Variants in HGF observed in about 807,000 individuals in gnomAD.
HGF encodes the protein fibroblast-derived tumor cytotoxic factor.
HGF carries 39 observed loss-of-function variants against 111.6 expected under a neutral mutation model. The ratio of observed to expected loss-of-function variants is 0.35; its 90% CI spans 0.27 to 0.46. The LOEUF (loss-of-function observed/expected upper bound fraction) is 0.46. Ranked by LOEUF, HGF falls within the 20% of genes least tolerant of loss-of-function variation. HGF has a pLI of 1.00. For synonymous variants in HGF, 285 were observed against 294.8 expected, an observed-to-expected ratio of 0.97 and a Z score of 0.34; for missense variants, 735 against 910.5, an observed-to-expected ratio of 0.81 and a Z score of 2.48.
intron 2 of HGF, among the ~76,000 whole-genome samples, chr7:81,761,980 C>A (rs1789107313): frequency 6.6e-6 from 1 of 152,112 alleles, no homozygotes; most frequent in Non-Finnish European, 1.5e-5. Context: ...GGAGCTCAGG[C>A]AGTAATGCTC....
chr7:81,757,250 A>C lies in HGF; in HGVS notation c.421T>G (p.Ser141Ala). Residue 141 changes from serine (S) to alanine (A), a missense_variant, in exon 4 of 18, where the codon TCT becomes GCT. Around this residue, in one of 3 missense-constraint regions of HGF, gnomAD observed 553 missense variants for 685.6 expected, o/e 0.81. Transcript: ENST00000222390. ...CATTTGATGCCACTCTTAGTGATAGATACTGTTCCCTTGTAGCTGCGTCCT... is the reference window on the plus strand; with the variant it reads ...CATTTGATGCCACTCTTAGTGATAGCTACTGTTCCCTTGTAGCTGCGTCCT... ...GKGRSYKGTV[S>A]ITKSGIKCQP... is the part of the protein sequence containing the mutation. 1 of 1,610,044 alleles carries C rather than the reference A, an allele frequency of 6.2e-7. No individual in the cohort carries two copies. The highest frequency in any genetic ancestry group is 8.5e-7 in the Non-Finnish European group (1 of 1,176,236).
At chr7:81,740,675 AACTGCCAT>A (rs1165960140) in intron 7 of HGF, among the ~76,000 whole-genome samples, 3 of 152,210 alleles carry the variant, frequency 2.0e-5, no homozygotes, top group African/African-American at 7.2e-5. Flanking sequence ...GGCAGGAGTA[AACTGCCAT>A]ATTGTAGAGA....
chr7:81,708,605 G>A (rs756309357), intron 13 of HGF, among the ~76,000 whole-genome samples: 23 of 124,906 alleles, frequency 1.8e-4, no homozygotes, highest in Middle Eastern at 5.7e-3. Flanking sequence ...CACCATGCCC[G>A]GCTAATTTTT....
chr7:81,720,243 C>T (rs1401873223), intron 10 of HGF, among the ~76,000 whole-genome samples: 1 of 152,100 alleles, frequency 6.6e-6, no homozygotes, highest in Non-Finnish European at 1.5e-5. Flanking sequence ...CCTGTCATTA[C>T]ACATTTTTAA....
chr7:81,726,041 G>A, intron 8 of HGF, 24 bp from the exon 9 acceptor site: 1 of 1,613,100 alleles, frequency 6.2e-7, no homozygotes, highest in Non-Finnish European at 8.5e-7. Context: ...GCATGTTAAT[G>A]TAAATTGCCG....
At position 81,742,988 on chromosome 7, in the gene HGF, G is replaced by A. The variant is rs748175567; in HGVS notation, c.865+365C>T. The stretch of plus-strand genomic sequence containing the variant: ...GTAGGTAAAGGATACAGGATTGGAA[G>A]GTAAGGAACTAAGGTCCTAGCTTTT... On this transcript the variant is annotated intron_variant, in intron 7 of 17. Coordinates refer to ENST00000222390, the MANE Select transcript of HGF (RefSeq NM_000601.6). The A allele has an allele frequency of 2.5e-6, 4 of 1,590,352 alleles. No individual in the cohort carries two copies. The African/African-American group carries it at 4.0e-5, about 16-fold the overall frequency.
intron 7 of HGF, chr7:81,736,651 T>G: frequency 2.3e-6 from 1 of 442,890 alleles, no homozygotes; most frequent in Non-Finnish European, 4.5e-6. Flanking sequence ...AAGTAAAATT[T>G]TTTGAAAGCA....
At chr7:81,716,769 T>C (rs5745726) in intron 11 of HGF, among the ~76,000 whole-genome samples, 1,772 of 152,276 alleles carry the variant, frequency 0.012, 39 homozygotes, top group African/African-American at 0.041. Context: ...CTCCAGGCTC[T>C]TCTTTAGTCT....
At position 81,758,696 on chromosome 7, in the gene HGF, G is replaced by T. The variant is rs1355838479; in HGVS notation, c.363C>A (p.Asn121Lys). Reference sequence around the variant, plus strand: ...ATTTAGGGAGAAGTCAGTTACCTTTGTTTTCATAGAGGTCAAATTCATGGC... The same window carrying T: ...ATTTAGGGAGAAGTCAGTTACCTTTTTTTTCATAGAGGTCAAATTCATGGC... The part of the protein sequence containing the change: ...EFGHEFDLYE[N>K]KDYIRNCIIG... The change falls in exon 3 of 18, where the codon AAC becomes AAA. Residue 121 changes from asparagine to lysine, a missense_variant. Transcript: ENST00000222390. 4 of 1,574,696 alleles carry T rather than the reference G, an allele frequency of 2.5e-6. No homozygotes were observed. The highest frequency in any genetic ancestry group is 3.5e-6 in the Non-Finnish European group (4 of 1,144,814).
rs1425467921 is a variant in HGF, at chr7:81,757,232, T to C, written c.439A>G (p.Ile147Val). 1.1e-5 allele frequency: 18 copies of C among 1,609,004 alleles called. No individual in the cohort carries two copies. Among genetic ancestry groups the C allele is most frequent in the Non-Finnish European group, 1.4e-5 (17 of 1,175,398 alleles). The part of the protein sequence containing the change: ...KGTVSITKSG[I>V]KCQPWSSMIP... ...ATGGAACTCCAGGGCTGACATTTGA[T>C]GCCACTCTTAGTGATAGATACTGTT... Residue 147 changes from isoleucine (I) to valine (V), a missense_variant, in exon 4 of 18, where the codon ATC becomes GTC. Transcript: ENST00000222390.
chr7:81,706,934 AAG>A (rs1789442578), intron 14 of HGF, among the ~76,000 whole-genome samples: 1 of 151,892 alleles, frequency 6.6e-6, no homozygotes, highest in Non-Finnish European at 1.5e-5. Context: ...CTACAGGAGA[AAG>A]AAGTAGTGAG....
At chr7:81,715,562 TTTA>T (rs1789688801) in intron 11 of HGF, among the ~76,000 whole-genome samples, 1 of 152,072 alleles carries the variant, frequency 6.6e-6, no homozygotes, top group Non-Finnish European at 1.5e-5. Flanking sequence ...TATTTAGTTA[TTTA>T]TTATTATACA....
chr7:81,755,820 T>A, intron 4 of HGF: 1 of 548,032 alleles, frequency 1.8e-6, no homozygotes, highest in Non-Finnish European at 3.2e-6. Flanking sequence ...AAGTAACTAA[T>A]TTTGAAAATT....
At chr7:81,711,261 T>C (rs955159190) in intron 12 of HGF, among the ~76,000 whole-genome samples, 4 of 152,212 alleles carry the variant, frequency 2.6e-5, no homozygotes, top group East Asian at 3.8e-4. Context: ...TTATAGATTT[T>C]TTGCAAGAGA....
In HGF at chr7:81,702,335, C is replaced by A; in HGVS notation, c.*246G>T. ...TACCTGTGTGTTTTTTTAATCCATT[C>A]AAGTATCTTCAGGAGATATGTTATT... is the stretch of plus-strand genomic sequence containing the variant. On this transcript the variant is annotated 3_prime_UTR_variant, in exon 18 of 18. Transcript: ENST00000222390. 2.4e-6 allele frequency: 1 copy of A among 421,790 alleles called. No homozygotes were observed. The highest frequency in any genetic ancestry group is 4.3e-6 in the Non-Finnish European group (1 of 233,668). The allele number at this position is 421,790 out of a possible 1,614,324, so 26.1% of individuals were successfully genotyped here.
chr7:81,741,964 G>A lies in HGF; in HGVS notation c.865+1389C>T, dbSNP rs1257960072. Among the ~76,000 whole-genome samples the A allele has an allele frequency of 1.6e-3, 194 of 118,406 alleles. 1 individual carries two copies. The highest frequency in any genetic ancestry group is 5.6e-3 in the African/African-American group (180 of 32,040). 77.7% of individuals were successfully genotyped at this position (118,406 alleles called of 152,430 possible). On this transcript the variant is annotated intron_variant, in intron 7 of 17. Transcript: ENST00000222390. The stretch of plus-strand genomic sequence containing the variant: ...AAAAAAAAAAAAAAAAAAAAAAAGA[G>A]TACCTAAACCACACATACATACACA...
Position 81,726,025 on chromosome 7 carries a change from G to C in HGF, c.1041-8C>G, listed in dbSNP as rs751627395. 4 of 1,613,718 alleles carry C rather than the reference G, an allele frequency of 2.5e-6. No individual in the cohort carries two copies. Among genetic ancestry groups the C allele is most frequent in the Non-Finnish European group, 3.4e-6 (4 of 1,179,642 alleles). The stretch of plus-strand genomic sequence containing the variant: ...TAATTTTCTCGTAGGTCCCTATTGA[G>C]AATAAGCATGTTAATGTAAATTGCC... On this transcript the variant is annotated splice_region_variant and splice_polypyrimidine_tract_variant and intron_variant, in intron 8 of 17. Transcript: ENST00000222390.
At chr7:81,727,075 C>T (rs891732873) in intron 8 of HGF, among the ~76,000 whole-genome samples, 1 of 147,036 alleles carries the variant, frequency 6.8e-6, no homozygotes, top group Non-Finnish European at 1.5e-5. Context: ...GAGTCTCGTT[C>T]TGTCGCCCAA....
chr7:81,736,009 AT>A (rs1461050976), intron 7 of HGF, among the ~76,000 whole-genome samples: 1 of 152,014 alleles, frequency 6.6e-6, no homozygotes, highest in Non-Finnish European at 1.5e-5. Flanking sequence ...TATAGTCACA[AT>A]GGGAGTTGGG....
Sources: allele counts gnomAD v4.1 joint callset (sites outside exome capture counted in the v4.1 genomes callset), GRCh38; gene constraint gnomAD v4.1.1; regional missense constraint gnomAD v4.1.1; transcripts MANE v1.5; gene names NCBI Gene and HGNC (gene_info 2026-07-23, HGNC 2026-07-21).